Variants in PCNX2 observed in about 807,000 individuals in gnomAD.
PCNX2 encodes pecanex 2.
PCNX2 carries 168 observed loss-of-function variants against 223.8 expected under a neutral mutation model. The observed-to-expected ratio is 0.75, with a 90% confidence interval of 0.66 to 0.85. PCNX2 has a LOEUF of 0.85. Ranked by LOEUF, PCNX2 falls within the 40% of genes least tolerant of loss-of-function variation. The pLI, the probability that PCNX2 is intolerant of heterozygous loss-of-function variation, is 0.00. For synonymous variants in PCNX2, 1,006 were observed against 1,052.6 expected, an observed-to-expected ratio of 0.96 and a Z score of 0.86; for missense variants, 2,507 against 2,675.5, an observed-to-expected ratio of 0.94 and a Z score of 1.39.
chr1:233,089,851 C>T, intron 23 of PCNX2: 2 of 1,309,238 alleles, frequency 1.5e-6, no homozygotes, highest in Non-Finnish European at 1.9e-6. Context: ...TATTCGTTGG[C>T]TAATTTGAAA....
At chr1:233,162,761 A>G (rs1678569740) in intron 17 of PCNX2, among the ~76,000 whole-genome samples, 1 of 152,156 alleles carries the variant, frequency 6.6e-6, no homozygotes, top group Admixed American at 6.5e-5. Context: ...CCTATTTTTC[A>G]TTAACATGGT....
intron 15 of PCNX2, among the ~76,000 whole-genome samples, chr1:233,187,332 T>C (rs572406585): frequency 6.6e-6 from 1 of 152,326 alleles, no homozygotes; most frequent in Admixed American, 6.5e-5. Context: ...TAGGACAATG[T>C]TGTCCTCAGG....
At chr1:233,072,806 T>C (rs1342558086) in intron 23 of PCNX2, among the ~76,000 whole-genome samples, 1 of 152,210 alleles carries the variant, frequency 6.6e-6, no homozygotes, top group Non-Finnish European at 1.5e-5. Flanking sequence ...GATTTCTGCA[T>C]CTACATTCAT....
At chr1:233,036,847 A>C (rs1391602885) in intron 25 of PCNX2, among the ~76,000 whole-genome samples, 1 of 152,220 alleles carries the variant, frequency 6.6e-6, no homozygotes, top group African/African-American at 2.4e-5. Flanking sequence ...TTATTTACTC[A>C]ACAAAGGAAT....
chr1:232,992,711 A>G (rs1669744362), intron 32 of PCNX2, among the ~76,000 whole-genome samples: 2 of 152,100 alleles, frequency 1.3e-5, no homozygotes, highest in African/African-American at 4.8e-5. Flanking sequence ...CCCAAATTTG[A>G]TCTTGAATTG....
At chr1:233,213,294 C>A (rs115835856) in intron 12 of PCNX2, among the ~76,000 whole-genome samples, 23 of 152,110 alleles carry the variant, frequency 1.5e-4, no homozygotes, top group African/African-American at 4.8e-4. Context: ...CCAAAAGGAG[C>A]CTACAGAGAC....
At chr1:233,232,282 A>AT (rs1395333956) in intron 9 of PCNX2, among the ~76,000 whole-genome samples, 8 of 152,204 alleles carry the variant, frequency 5.3e-5, no homozygotes, top group African/African-American at 1.9e-4. Flanking sequence ...AATAAATGAT[A>AT]TGAGATATTC....
At chr1:233,033,313 T>G in intron 25 of PCNX2, 2 of 561,526 alleles carry the variant, frequency 3.6e-6, no homozygotes, top group Non-Finnish European at 4.5e-6. Context: ...TGAAGAAATT[T>G]AAGTGCAAAT....
chr1:233,075,444 T>C (rs975865775), intron 23 of PCNX2, among the ~76,000 whole-genome samples: 8 of 152,120 alleles, frequency 5.3e-5, no homozygotes, highest in African/African-American at 1.9e-4. Flanking sequence ...GAAGGAAGTA[T>C]GTGTGCTCTC....
chr1:233,000,334 T>C lies in PCNX2; in HGVS notation c.5299A>G (p.Arg1767Gly). The C allele has an allele frequency of 6.2e-7, 1 of 1,613,992 alleles. No homozygotes were observed. The highest frequency in any genetic ancestry group is 8.5e-7 in the Non-Finnish European group (1 of 1,179,874). ...ATCACCTTGAAGCTCAGGAAGCTTC[T>C]GTGGAGCATGATGACCTTGTACTCG... ...ADEYKVIMLH[R>G]SFLSFKVIKV... The change falls in exon 30 of 34, where the codon AGA becomes GGA. Residue 1767 changes from arginine to glycine, a missense_variant. Arg to Gly is a moderately radical substitution (Grantham distance 125). Around this residue, in one of 3 missense-constraint regions of PCNX2, gnomAD observed 1,372 missense variants for 1,509.4 expected, o/e 0.91. Coordinates refer to ENST00000258229, the MANE Select transcript of PCNX2 (RefSeq NM_014801.4). The surrounding 1 kb of genome is among the most constrained non-coding windows in gnomAD (Gnocchi z 4.6).
In PCNX2 at chr1:233,126,749, T is replaced by C. The variant is rs757517201; in HGVS notation, c.3837+8264A>G. 3.9e-5 allele frequency among the ~76,000 whole-genome samples: 6 copies of C among 152,214 alleles called. No individual in the cohort carries two copies. The highest frequency in any genetic ancestry group is 7.3e-5 in the Non-Finnish European group (5 of 68,044). ...ATTATAAAATGAGAAAAATCCTTTT[T>C]TCAAGGTTTTTATGTTTGACCTTTA... On this transcript the variant is annotated intron_variant, in intron 21 of 33. Transcript: ENST00000258229. The surrounding 1 kb of genome is among the most constrained non-coding windows in gnomAD (Gnocchi z 4.8).
intron 25 of PCNX2, among the ~76,000 whole-genome samples, chr1:233,034,889 A>G (rs1366102544): frequency 6.6e-6 from 1 of 152,208 alleles, no homozygotes; most frequent in Non-Finnish European, 1.5e-5. Context: ...TTCTGTAGGT[A>G]ACAGGCAGGC....
intron 15 of PCNX2, among the ~76,000 whole-genome samples, chr1:233,185,486 A>T (rs942218530): frequency 1.3e-5 from 2 of 152,182 alleles, no homozygotes; most frequent in African/African-American, 4.8e-5. Flanking sequence ...AAAAAAGGTT[A>T]GGATGTTTTA....
chr1:233,019,290 G>A (rs1261123604), intron 26 of PCNX2: 1 of 796,982 alleles, frequency 1.3e-6, no homozygotes, highest in Non-Finnish European at 1.5e-6. Context: ...TCCCAAAAAT[G>A]AGGAAGTGGA....
intron 23 of PCNX2, among the ~76,000 whole-genome samples, chr1:233,087,606 A>G (rs560926723): frequency 4.6e-5 from 7 of 152,352 alleles, no homozygotes; most frequent in African/African-American, 1.7e-4. Flanking sequence ...TGTAAGGACC[A>G]GATGAGATTT....
chr1:233,037,236 G>T (rs554764932), intron 25 of PCNX2, among the ~76,000 whole-genome samples: 16 of 152,112 alleles, frequency 1.1e-4, no homozygotes, highest in Non-Finnish European at 1.6e-4. Context: ...GTTGAACCAC[G>T]GAATGGGTTC....
chr1:233,158,929 T>C (rs1678295182), intron 19 of PCNX2, among the ~76,000 whole-genome samples: 1 of 152,226 alleles, frequency 6.6e-6, no homozygotes. Flanking sequence ...GGGTAGGGAC[T>C]TTCCTCTACA....
At chr1:233,299,447 A>G (rs1662224519), upstream of PCNX2, among the ~76,000 whole-genome samples, 3 of 152,272 alleles carry the variant, frequency 2.0e-5, no homozygotes, top group Non-Finnish European at 4.4e-5. Context: ...CAAAGCATAC[A>G]TAAGTTTACA....
chr1:233,209,784 G>A (rs1214172292), intron 12 of PCNX2, among the ~76,000 whole-genome samples: 1 of 152,134 alleles, frequency 6.6e-6, no homozygotes, highest in Non-Finnish European at 1.5e-5. Flanking sequence ...ATCCAACTAG[G>A]TCATAGATTA....
Sources: gnomAD v4.1 joint callset for allele counts (sites outside exome capture counted in the v4.1 genomes callset) on GRCh38, gnomAD v4.1.1 for gene constraint, gnomAD v4.1.1 regional missense constraint, Gnocchi (gnomAD v3.1) non-coding constraint, MANE v1.5 for transcripts, NCBI Gene and HGNC (gene_info 2026-07-23, HGNC 2026-07-21) for gene names.